KLHL1: variants seen among roughly 807,000 people sequenced by gnomAD.
KLHL1 encodes kelch like family member 1, also known as kelch-like protein 1.
KLHL1 carries 47 observed loss-of-function variants against 77.7 expected under a neutral mutation model. That is an observed-to-expected ratio of 0.60 (90% CI 0.48 to 0.77). The LOEUF (loss-of-function observed/expected upper bound fraction) is 0.77, where lower values mean the gene tolerates loss of function less well. Ranked by LOEUF, KLHL1 falls within the 30% of genes least tolerant of loss-of-function variation. The probability of loss-of-function intolerance (pLI) is 0.00; values close to 1 mark genes in which losing one functional copy is unlikely to be tolerated. For synonymous variants in KLHL1, 360 were observed against 325.2 expected (o/e 1.11, Z -1.15); for missense variants, 925 against 910.8 (o/e 1.02, Z -0.20).
At chr13:69,758,033 A>T (rs2137960282) in intron 7 of KLHL1, among the ~76,000 whole-genome samples, 1 of 151,778 alleles carries the variant, frequency 6.6e-6, no homozygotes, top group South Asian at 2.1e-4. Context: ...GTGGTAATAA[A>T]AGGTTTTTTA....
At chr13:69,956,104 T>C (rs1372286380) in intron 3 of KLHL1, among the ~76,000 whole-genome samples, 1 of 141,108 alleles carries the variant, frequency 7.1e-6, no homozygotes, top group African/African-American at 2.6e-5. Context: ...TTGATATATA[T>C]ATTTATATTT....
chr13:69,984,028 G>A (rs978957430), intron 1 of KLHL1, among the ~76,000 whole-genome samples: 7 of 152,058 alleles, frequency 4.6e-5, no homozygotes, highest in African/African-American at 1.4e-4. Flanking sequence ...AGTCTTAAAT[G>A]TCAGACCTGA....
At chr13:70,105,550 A>G (rs1466067515) in intron 1 of KLHL1, among the ~76,000 whole-genome samples, 5 of 151,442 alleles carry the variant, frequency 3.3e-5, no homozygotes, top group African/African-American at 1.2e-4. Flanking sequence ...CAAAACTATC[A>G]GTTTTAATAA....
intron 1 of KLHL1, among the ~76,000 whole-genome samples, chr13:70,087,665 G>A (rs1887578692): frequency 6.6e-6 from 1 of 152,092 alleles, no homozygotes; most frequent in South Asian, 2.1e-4. Context: ...TATCCTTTGA[G>A]CTGGGGCTGC....
intron 5 of KLHL1, among the ~76,000 whole-genome samples, chr13:69,873,503 A>C (rs1003098604): frequency 6.6e-6 from 1 of 152,144 alleles, no homozygotes; most frequent in Non-Finnish European, 1.5e-5. Flanking sequence ...CCATTCAATA[A>C]GGGATTTTTA....
intron 1 of KLHL1, among the ~76,000 whole-genome samples, chr13:69,987,207 G>A (rs1220371587): frequency 2.6e-4 from 40 of 151,868 alleles, no homozygotes; most frequent in Admixed American, 2.4e-3. Flanking sequence ...TAATTAAACC[G>A]ATGGTATTAT....
At chr13:69,749,195 A>G (rs1168401580) in intron 7 of KLHL1, among the ~76,000 whole-genome samples, 2 of 152,024 alleles carry the variant, frequency 1.3e-5, no homozygotes, top group East Asian at 1.9e-4. Context: ...TGATACATTC[A>G]ACTACTTCCT....
At chr13:70,074,120 C>T (rs1456020790) in intron 1 of KLHL1, among the ~76,000 whole-genome samples, 4 of 152,100 alleles carry the variant, frequency 2.6e-5, no homozygotes, top group Non-Finnish European at 5.9e-5. Flanking sequence ...AGCCACCTTG[C>T]CCGGCACCTT....
At chr13:69,722,632 G>T (rs2137899792) in intron 8 of KLHL1, among the ~76,000 whole-genome samples, 1 of 151,732 alleles carries the variant, frequency 6.6e-6, no homozygotes, top group East Asian at 1.9e-4. Context: ...AAAAGCTATT[G>T]CCAAAAAAAT....
chr13:69,888,590 G>A (rs1429654398), intron 4 of KLHL1, among the ~76,000 whole-genome samples: 1 of 152,020 alleles, frequency 6.6e-6, no homozygotes, highest in Non-Finnish European at 1.5e-5. Context: ...ACAAACTGAG[G>A]AATAACAAGG....
At chr13:69,757,295 A>T (rs1874793424) in intron 7 of KLHL1, among the ~76,000 whole-genome samples, 1 of 152,154 alleles carries the variant, frequency 6.6e-6, no homozygotes, top group Non-Finnish European at 1.5e-5. Context: ...GCAATTAACA[A>T]GACAATTTCA....
At chr13:69,874,998 G>T (rs562483605) in intron 5 of KLHL1, among the ~76,000 whole-genome samples, 1 of 152,222 alleles carries the variant, frequency 6.6e-6, no homozygotes, top group East Asian at 1.9e-4. Flanking sequence ...CATAGCATTT[G>T]AAAGTATAAA....
intron 1 of KLHL1, among the ~76,000 whole-genome samples, chr13:70,081,723 A>G (rs1887397004): frequency 6.6e-6 from 1 of 152,228 alleles, no homozygotes; most frequent in Non-Finnish European, 1.5e-5. Context: ...GCAGTGTCCA[A>G]CAAATACCTG....
At chr13:70,071,613 T>G (rs2137418356) in intron 1 of KLHL1, among the ~76,000 whole-genome samples, 1 of 149,968 alleles carries the variant, frequency 6.7e-6, no homozygotes, top group African/African-American at 2.5e-5. Flanking sequence ...AAGAAAAAAA[T>G]CAGACATCAT....
intron 1 of KLHL1, among the ~76,000 whole-genome samples, chr13:70,102,360 A>T (rs1887941281): frequency 6.6e-6 from 1 of 152,222 alleles, no homozygotes; most frequent in African/African-American, 2.4e-5. Flanking sequence ...ATAAAATAAA[A>T]TACACTGAAT....
chr13:69,803,266 A>C (rs1877469620), intron 6 of KLHL1, among the ~76,000 whole-genome samples: 1 of 151,902 alleles, frequency 6.6e-6, no homozygotes, highest in Admixed American at 6.6e-5. Flanking sequence ...TAAAAGCCTG[A>C]TGAAATACAT....
In KLHL1 at chr13:69,831,231, C is replaced by G. The variant is rs185533222; in HGVS notation, c.1414+7745G>C. 2.0e-5 allele frequency among the ~76,000 whole-genome samples: 3 copies of G among 149,746 alleles called. No homozygotes were observed. In the East Asian group the frequency reaches 5.8e-4, roughly 29 times the overall value. On this transcript the variant is annotated intron_variant, in intron 6 of 10. Coordinates refer to ENST00000377844, the MANE Select transcript of KLHL1 (RefSeq NM_020866.3). ...TAACCAAGAAAAGAAGAGAGAAGATCAAAATAGGCTCAATTAGAAATGAAA... is the reference window on the plus strand; with the variant it reads ...TAACCAAGAAAAGAAGAGAGAAGATGAAAATAGGCTCAATTAGAAATGAAA...
chr13:69,750,002 T>G (rs1017690772), intron 7 of KLHL1, among the ~76,000 whole-genome samples: 1 of 151,826 alleles, frequency 6.6e-6, no homozygotes, highest in African/African-American at 2.4e-5. Context: ...AATTGTATCT[T>G]AATTTGAAAA....
Position 70,040,940 on chromosome 13 carries a change from CTGTT to C in KLHL1, c.498-65142_498-65139del, listed in dbSNP as rs370156722. On this transcript the variant is annotated intron_variant, in intron 1 of 10. Transcript: ENST00000377844. ...TTTTGTTTTCCAGTCTCTTTTCTCT[CTGTT>C]TGTTTTACAGATTGGGTGACTTCTA... 9.0e-3 allele frequency among the ~76,000 whole-genome samples: 1,366 copies of C among 152,214 alleles called. 19 individuals carry two copies. The highest frequency in any genetic ancestry group is 0.031 in the African/African-American group (1,290 of 41,536).
Sources: gnomAD v4.1 joint callset for allele counts (sites outside exome capture counted in the v4.1 genomes callset) on GRCh38, gnomAD v4.1.1 for gene constraint, MANE v1.5 for transcripts, NCBI Gene and HGNC (gene_info 2026-07-23, HGNC 2026-07-21) for gene names.